The following RPS6KA5 variants were observed in gnomAD, a reference collection of about 807,000 sequenced individuals.
The protein encoded by RPS6KA5 is ribosomal protein S6 kinase A5.
In RPS6KA5, 27 loss-of-function variants were observed where a neutral mutation model predicts 85.5. The observed-to-expected ratio is 0.32, with a 90% CI of 0.23 to 0.44. RPS6KA5 has a LOEUF of 0.44. RPS6KA5 is among the 20% of genes least tolerant of loss of function. The probability of loss-of-function intolerance (pLI) is 1.00; values close to 1 mark genes in which losing one functional copy is unlikely to be tolerated. For missense variants in RPS6KA5, 811 were observed against 980.9 expected (o/e 0.83, Z 2.31); for synonymous variants, 334 against 348.2 (o/e 0.96, Z 0.46).
intron 14 of RPS6KA5, among the ~76,000 whole-genome samples, chr14:90,886,400 T>C (rs1210227540): frequency 2.0e-5 from 3 of 152,228 alleles, no homozygotes; most frequent in African/African-American, 7.2e-5. Context: ...TGAATGTTTG[T>C]GTTCTCCTTG....
intron 1 of RPS6KA5, among the ~76,000 whole-genome samples, chr14:91,049,263 A>G (rs1168186109): frequency 1.3e-5 from 2 of 152,218 alleles, no homozygotes; most frequent in Non-Finnish European, 2.9e-5. Flanking sequence ...TATCCTATAA[A>G]CAAAAGATAG....
At chr14:90,964,853 T>A (rs1324704441) in intron 3 of RPS6KA5, among the ~76,000 whole-genome samples, 2 of 142,778 alleles carry the variant, frequency 1.4e-5, no homozygotes, top group African/African-American at 5.3e-5. Context: ...AAGTCAAGGC[T>A]GCAGTGGGCC....
At chr14:90,899,977 G>A (rs2035071846) in intron 11 of RPS6KA5, 131 bp downstream of exon 11, 6 of 609,432 alleles carry the variant, frequency 9.8e-6, no homozygotes, top group Non-Finnish European at 1.3e-5. Context: ...ACCAACTGAT[G>A]AGCCAAGTGG....
At chr14:90,944,695 C>T (rs938191836) in intron 4 of RPS6KA5, among the ~76,000 whole-genome samples, 17 of 150,962 alleles carry the variant, frequency 1.1e-4, no homozygotes, top group African/African-American at 2.0e-4. Flanking sequence ...GTGGAGGTTA[C>T]GGTGAGCTGA....
At chr14:90,929,184 T>C (rs1049232768) in intron 5 of RPS6KA5, among the ~76,000 whole-genome samples, 1 of 152,078 alleles carries the variant, frequency 6.6e-6, no homozygotes, top group African/African-American at 2.4e-5. Context: ...ATGACTAAAA[T>C]ACATGTTCTT....
chr14:90,973,814 A>C (rs1027049165), intron 3 of RPS6KA5, among the ~76,000 whole-genome samples: 9 of 152,114 alleles, frequency 5.9e-5, no homozygotes, highest in Admixed American at 5.2e-4. Flanking sequence ...AGGCGTGCGG[A>C]TCACCTGAGG....
intron 8 of RPS6KA5, among the ~76,000 whole-genome samples, chr14:90,903,949 AT>A (rs11453206): frequency 1.6e-4 from 24 of 146,102 alleles, no homozygotes; most frequent in Admixed American, 2.0e-4. Context: ...ACTACCATAA[AT>A]TTTTTTTTTT....
intron 14 of RPS6KA5, among the ~76,000 whole-genome samples, chr14:90,878,533 A>G (rs1012778574): frequency 6.6e-6 from 1 of 152,218 alleles, no homozygotes; most frequent in African/African-American, 2.4e-5. Context: ...AGCTCTTCTA[A>G]TATCTATAGT....
At position 90,987,059 on chromosome 14, in the gene RPS6KA5, G is replaced by A. The variant is rs2040084970; in HGVS notation, c.176-8535C>T. 2.0e-5 allele frequency among the ~76,000 whole-genome samples: 3 copies of A among 152,106 alleles called. No individual in the cohort carries two copies. In the South Asian group the frequency reaches 6.2e-4, roughly 32 times the overall value. Reference sequence around the variant, plus strand: ...ACAATGTCATTTGACACCTTCATATGGAATCATCTTTTTATTATGGCATAA... The same window carrying A: ...ACAATGTCATTTGACACCTTCATATAGAATCATCTTTTTATTATGGCATAA... On this transcript the variant is annotated intron_variant, in intron 2 of 16. Transcript: ENST00000614987.
chr14:91,038,823 C>A (rs1428261800), intron 1 of RPS6KA5, among the ~76,000 whole-genome samples: 1 of 152,208 alleles, frequency 6.6e-6, no homozygotes, highest in Non-Finnish European at 1.5e-5. Flanking sequence ...AAACATAATT[C>A]CAGTTTAGCC....
chr14:90,874,927 G>T (rs538573666), intron 15 of RPS6KA5, among the ~76,000 whole-genome samples: 1 of 152,260 alleles, frequency 6.6e-6, no homozygotes, highest in South Asian at 2.1e-4. Context: ...AGCGTGTTTG[G>T]GGGGAAGGAC....
intron 1 of RPS6KA5, chr14:91,052,425 C>T (rs531145377): frequency 3.3e-5 from 11 of 330,990 alleles, no homozygotes; most frequent in Non-Finnish European, 5.8e-5. Context: ...CCGAGATCAG[C>T]ACCACACTCC....
At chr14:91,027,498 T>C (rs2042028208) in intron 1 of RPS6KA5, among the ~76,000 whole-genome samples, 1 of 152,194 alleles carries the variant, frequency 6.6e-6, no homozygotes, top group Admixed American at 6.5e-5. Flanking sequence ...GGTAGATTAT[T>C]TGCAGCTCCA....
At chr14:90,889,258 C>T (rs931564593) in intron 14 of RPS6KA5, among the ~76,000 whole-genome samples, 2 of 134,084 alleles carry the variant, frequency 1.5e-5, no homozygotes, top group Non-Finnish European at 3.1e-5. Flanking sequence ...TGTGCCACTG[C>T]ACTCCAGCCT....
At chr14:90,882,702 G>T (rs68120865) in intron 14 of RPS6KA5, among the ~76,000 whole-genome samples, 19,836 of 151,828 alleles carry the variant, frequency 0.13, 1,961 homozygotes, top group African/African-American at 0.27. Context: ...TGCTTTGAAT[G>T]TATCACTCCA....
At chr14:90,920,085 C>T in intron 7 of RPS6KA5, 121 bp downstream of exon 7, 2 of 735,368 alleles carry the variant, frequency 2.7e-6, no homozygotes, top group East Asian at 2.6e-5. Flanking sequence ...AAATTTACCA[C>T]ATAAACATCA....
intron 1 of RPS6KA5, among the ~76,000 whole-genome samples, chr14:91,055,893 G>A (rs949573282): frequency 1.3e-5 from 2 of 152,192 alleles, no homozygotes; most frequent in Non-Finnish European, 2.9e-5. Flanking sequence ...GCTATGGAGA[G>A]GCCCACATGG....
At chr14:90,941,325 G>A (rs1216286404) in intron 5 of RPS6KA5, among the ~76,000 whole-genome samples, 2 of 152,134 alleles carry the variant, frequency 1.3e-5, no homozygotes, top group East Asian at 1.9e-4. Flanking sequence ...CCAGTTCAGT[G>A]GCAAAATTAC....
At chr14:90,968,711 G>A (rs1349594277) in intron 3 of RPS6KA5, among the ~76,000 whole-genome samples, 1 of 152,118 alleles carries the variant, frequency 6.6e-6, no homozygotes, top group Non-Finnish European at 1.5e-5. Flanking sequence ...CACAAAAACT[G>A]CCTCTATGGA....
Sources: allele counts gnomAD v4.1 joint callset (sites outside exome capture counted in the v4.1 genomes callset), GRCh38; gene constraint gnomAD v4.1.1; transcripts MANE v1.5; gene names NCBI Gene and HGNC (gene_info 2026-07-23, HGNC 2026-07-21).